The following AGBL4 variants were observed in gnomAD, a reference collection of about 807,000 sequenced individuals.
AGBL4 encodes AGBL carboxypeptidase 4.
In AGBL4, 58 loss-of-function variants were observed where a neutral mutation model predicts 66.4. That is an observed-to-expected ratio of 0.87 (90% CI 0.71 to 1.09). The LOEUF is 1.09. Ranked by LOEUF, AGBL4 falls within the 50% of genes least tolerant of loss-of-function variation. AGBL4 has a pLI of 0.00. For missense variants in AGBL4, 579 were observed against 631.0 expected (o/e 0.92, Z 0.88); for synonymous variants, 234 against 222.9 (o/e 1.05, Z -0.44).
intron 10 of AGBL4, among the ~76,000 whole-genome samples, chr1:48,588,656 AGTGTGTGTGT>A (rs57683318): frequency 2.0e-5 from 3 of 147,518 alleles, no homozygotes; most frequent in Admixed American, 6.8e-5. Flanking sequence ...GAAACAGAGA[AGTGTGTGTGT>A]GTGTGTGTGT....
rs558659371 is a variant in AGBL4, at chr1:49,667,952, T to C, written c.282+29361A>G. ...CTTTCTGATCATCAGTTTCTTTATG[T>C]GTAAAATGGGAAAAAATATTGGTAA... On this transcript the variant is annotated intron_variant, in intron 3 of 13. Transcript: ENST00000371839. Among the ~76,000 whole-genome samples the C allele has an allele frequency of 9.3e-4, 141 of 152,294 alleles. 1 individual carries two copies. The highest frequency in any genetic ancestry group is 3.4e-3 in the Middle Eastern group (1 of 294).
At chr1:49,620,962 T>A (rs1024865666) in intron 3 of AGBL4, among the ~76,000 whole-genome samples, 1 of 152,166 alleles carries the variant, frequency 6.6e-6, no homozygotes, top group Non-Finnish European at 1.5e-5. Context: ...TCTAGATACA[T>A]TGTTAATAGT....
intron 3 of AGBL4, among the ~76,000 whole-genome samples, chr1:49,294,571 A>T (rs576960569): frequency 4.1e-4 from 63 of 152,278 alleles, no homozygotes; most frequent in African/African-American, 1.5e-3. Context: ...TTTGAGTTTA[A>T]TTGTGCTTTC....
chr1:49,054,463 C>T (rs567951763), intron 4 of AGBL4, among the ~76,000 whole-genome samples: 2 of 151,816 alleles, frequency 1.3e-5, no homozygotes, highest in Non-Finnish European at 2.9e-5. Context: ...TTGGTGAAAA[C>T]AATGTACTTG....
At chr1:49,407,447 A>T (rs1645228610) in intron 3 of AGBL4, among the ~76,000 whole-genome samples, 1 of 152,228 alleles carries the variant, frequency 6.6e-6, no homozygotes, top group Non-Finnish European at 1.5e-5. Context: ...TGCAGATTTT[A>T]GACTTAGCAG....
At chr1:49,810,479 G>A (rs1645074242) in intron 2 of AGBL4, among the ~76,000 whole-genome samples, 1 of 152,164 alleles carries the variant, frequency 6.6e-6, no homozygotes, top group Admixed American at 6.5e-5. Flanking sequence ...GGATAAAATG[G>A]CATTTGAAAT....
intron 2 of AGBL4, among the ~76,000 whole-genome samples, chr1:49,728,053 G>A (rs752760763): frequency 6.6e-6 from 1 of 151,864 alleles, no homozygotes; most frequent in Non-Finnish European, 1.5e-5. Context: ...AAAACTTAAG[G>A]GTTTTATTAG....
rs536699125 is a variant in AGBL4, at chr1:49,399,131, C to A, written c.283-153267G>T. 2.0e-5 allele frequency among the ~76,000 whole-genome samples: 3 copies of A among 152,244 alleles called. No individual in the cohort carries two copies. In the South Asian group the frequency reaches 6.2e-4, roughly 32 times the overall value. ...TCTGTGCCTGGCTTATTTCACTTAA[C>A]AAAATGACCTCCGGAGCTCCATTCA... On this transcript the variant is annotated intron_variant, in intron 3 of 13. Coordinates refer to ENST00000371839, the MANE Select transcript of AGBL4 (RefSeq NM_032785.4).
intron 2 of AGBL4, among the ~76,000 whole-genome samples, chr1:49,832,155 C>A (rs1217240779): frequency 6.6e-6 from 1 of 151,398 alleles, no homozygotes. Context: ...CCTTCCCCCA[C>A]CCCACAGCAG....
intron 6 of AGBL4, among the ~76,000 whole-genome samples, chr1:48,663,639 T>C (rs899599070): frequency 2.0e-5 from 3 of 152,180 alleles, no homozygotes; most frequent in Non-Finnish European, 4.4e-5. Flanking sequence ...ACAAGGATTT[T>C]AATAGGTTTG....
At chr1:49,656,656 C>T (rs925992143) in intron 3 of AGBL4, among the ~76,000 whole-genome samples, 2 of 152,172 alleles carry the variant, frequency 1.3e-5, no homozygotes, top group Non-Finnish European at 2.9e-5. Flanking sequence ...AGCTTATCCA[C>T]CATGATCAAG....
intron 6 of AGBL4, chr1:48,818,024 C>T (rs150333927): frequency 5.1e-4 from 365 of 710,020 alleles, no homozygotes; most frequent in Non-Finnish European, 8.5e-4. Flanking sequence ...GAAACATTCC[C>T]GAGATTAGGT....
chr1:49,228,969 C>G (rs1044000077), intron 4 of AGBL4, among the ~76,000 whole-genome samples: 1 of 152,182 alleles, frequency 6.6e-6, no homozygotes, highest in African/African-American at 2.4e-5. Context: ...CTCATCTTCT[C>G]CATTCTCAGC....
At chr1:48,846,646 A>C (rs1477942831) in intron 6 of AGBL4, among the ~76,000 whole-genome samples, 9 of 152,194 alleles carry the variant, frequency 5.9e-5, no homozygotes, top group Admixed American at 5.9e-4. Flanking sequence ...AAAGTGAAAC[A>C]AACCAGTTTA....
chr1:49,434,023 G>A (rs1482773271), intron 3 of AGBL4, among the ~76,000 whole-genome samples: 1 of 152,174 alleles, frequency 6.6e-6, no homozygotes, highest in African/African-American at 2.4e-5. Flanking sequence ...CCTATTGTGT[G>A]AGGATCGTGC....
At chr1:49,658,500 A>T (rs577056285) in intron 3 of AGBL4, among the ~76,000 whole-genome samples, 1 of 152,316 alleles carries the variant, frequency 6.6e-6, no homozygotes, top group Admixed American at 6.5e-5. Flanking sequence ...CAGCCATCCC[A>T]TTACTGGGTA....
At chr1:49,328,222 AT>A in intron 3 of AGBL4, among the ~76,000 whole-genome samples, 1 of 152,370 alleles carries the variant, frequency 6.6e-6, no homozygotes, top group East Asian at 1.9e-4. Context: ...AAAAGGCAAT[AT>A]TATCTTCCTG....
At chr1:49,479,837 G>A (rs997564178) in intron 3 of AGBL4, among the ~76,000 whole-genome samples, 2 of 151,422 alleles carry the variant, frequency 1.3e-5, no homozygotes, top group African/African-American at 4.8e-5. Context: ...AAGTGGGAGT[G>A]GCTGGGACTA....
At chr1:48,646,513 A>ATG (rs61233999) in intron 8 of AGBL4, among the ~76,000 whole-genome samples, 10,899 of 131,388 alleles carry the variant, frequency 0.083, 606 homozygotes, top group African/African-American at 0.15. Flanking sequence ...ACCAGTTATA[A>ATG]TGTGTGTGTG....
Sources: gnomAD v4.1 joint callset for allele counts (sites outside exome capture counted in the v4.1 genomes callset) on GRCh38, gnomAD v4.1.1 for gene constraint, MANE v1.5 for transcripts, NCBI Gene and HGNC (gene_info 2026-07-23, HGNC 2026-07-21) for gene names.